The following MAD1L1 variants were observed in gnomAD, a reference collection of about 807,000 sequenced individuals.
MAD1L1 encodes mitotic spindle assembly checkpoint protein MAD1.
Under a neutral mutation model 96.9 loss-of-function variants are expected in MAD1L1, and 95 were observed. The ratio of observed to expected loss-of-function variants is 0.98; its 90% CI spans 0.83 to 1.16. The LOEUF is 1.16. Among genes scored for constraint, MAD1L1 ranks in the 50% most tolerant of loss-of-function variants. The pLI, the probability that MAD1L1 is intolerant of heterozygous loss-of-function variation, is 0.00. For synonymous variants in MAD1L1, 473 were observed against 396.6 expected (o/e 1.19, Z -2.29); for missense variants, 1,007 against 954.4 (o/e 1.06, Z -0.73).
At position 2,103,187 on chromosome 7, in the gene MAD1L1, C is replaced by A. The variant is rs1786905194; in HGVS notation, c.1074-33849G>T. ...CCCTGCACCCTACAAAGGGGCAGCT[C>A]CGACCACGCTTCAGCTCTCAGCCCA... is the stretch of plus-strand genomic sequence containing the variant. On this transcript the variant is annotated intron_variant, in intron 11 of 18. Coordinates refer to ENST00000265854, the MANE Select transcript of MAD1L1 (RefSeq NM_001013836.2). This position sits in a 1 kb window ranked among gnomAD's most constrained non-coding sequence, Gnocchi z 4.3. Among the ~76,000 whole-genome samples, 1 of 152,170 alleles carries A rather than the reference C, an allele frequency of 6.6e-6. No individual in the cohort carries two copies. The highest frequency in any genetic ancestry group is 2.4e-5 in the African/African-American group (1 of 41,442).
intron 1 of MAD1L1, among the ~76,000 whole-genome samples, chr7:2,232,399 C>T (rs1381799476): frequency 2.6e-5 from 4 of 152,256 alleles, no homozygotes; most frequent in African/African-American, 9.6e-5. Flanking sequence ...GGCCCACACG[C>T]CCCCTTCCTG....
At chr7:1,974,016 T>C (rs892561865) in intron 15 of MAD1L1, among the ~76,000 whole-genome samples, 3 of 152,210 alleles carry the variant, frequency 2.0e-5, no homozygotes, top group Admixed American at 2.0e-4. Context: ...CTTCTGCTTC[T>C]GGGAGTGAAG....
intron 11 of MAD1L1, among the ~76,000 whole-genome samples, chr7:2,128,897 C>T (rs527548280): frequency 5.3e-5 from 8 of 152,330 alleles, no homozygotes; most frequent in East Asian, 3.9e-4. Context: ...AGGCTTCCCA[C>T]GCGGCAGTCA....
intron 9 of MAD1L1, among the ~76,000 whole-genome samples, chr7:2,215,332 C>T (rs1045786704): frequency 2.7e-5 from 4 of 146,314 alleles, no homozygotes; most frequent in East Asian, 4.0e-4. Context: ...GAGCCGAGAT[C>T]GCACCATTGC....
chr7:1,851,861 G>A (rs1048798209), intron 18 of MAD1L1, among the ~76,000 whole-genome samples: 2 of 152,186 alleles, frequency 1.3e-5, no homozygotes, highest in African/African-American at 2.4e-5. Flanking sequence ...AGCTAGAGTC[G>A]CCTGCCTGCC....
At chr7:1,886,267 G>A (rs117142562) in intron 18 of MAD1L1, among the ~76,000 whole-genome samples, 203 of 152,342 alleles carry the variant, frequency 1.3e-3, no homozygotes, top group Non-Finnish European at 2.2e-3. Context: ...GTCCTGATCT[G>A]TGCAAGATCA....
intron 18 of MAD1L1, among the ~76,000 whole-genome samples, chr7:1,850,215 G>A (rs554374785): frequency 5.5e-4 from 83 of 152,238 alleles, no homozygotes; most frequent in African/African-American, 1.9e-3. Flanking sequence ...CCCCTTCTGG[G>A]GCAACAGGAC....
At chr7:2,069,643 C>T (rs958048167) in intron 11 of MAD1L1, among the ~76,000 whole-genome samples, 3 of 152,208 alleles carry the variant, frequency 2.0e-5, no homozygotes, top group South Asian at 2.1e-4. Flanking sequence ...TCTGAATGAG[C>T]GAGATTGCAG....
intron 11 of MAD1L1, among the ~76,000 whole-genome samples, chr7:2,145,723 G>A (rs1789264649): frequency 6.6e-6 from 1 of 152,172 alleles, no homozygotes; most frequent in Non-Finnish European, 1.5e-5. Context: ...TCCCTGGGCG[G>A]CCTTCCCTAC....
intron 10 of MAD1L1, among the ~76,000 whole-genome samples, chr7:2,193,936 A>ATTTTTTTTTTTTTTT (rs35067993): frequency 1.2e-5 from 1 of 82,802 alleles, no homozygotes; most frequent in Non-Finnish European, 2.2e-5. Context: ...CTCTGCATGG[A>ATTTTTTTTTTTTTTT]TTTTTTTTTT....
At chr7:2,220,978 G>C (rs771609498) in intron 5 of MAD1L1, 7 of 1,612,528 alleles carry the variant, frequency 4.3e-6, no homozygotes, top group Admixed American at 3.3e-5. Context: ...GCAAGGAAGA[G>C]GCGCATAAGA....
At chr7:1,827,608 G>A (rs1409468468) in intron 18 of MAD1L1, among the ~76,000 whole-genome samples, 7 of 115,428 alleles carry the variant, frequency 6.1e-5, no homozygotes, top group African/African-American at 2.3e-4. Context: ...CCCGGGTGTG[G>A]GGTCCTCCCC....
intron 9 of MAD1L1, 106 bp downstream of exon 9, chr7:2,215,779 C>T (rs949202164): frequency 2.9e-6 from 3 of 1,022,250 alleles, no homozygotes; most frequent in African/African-American, 3.1e-5. Flanking sequence ...ATCACAGCAA[C>T]CTCCATGTTG....
chr7:2,197,891 GC>G (rs1371411326), intron 10 of MAD1L1, among the ~76,000 whole-genome samples: 2 of 151,928 alleles, frequency 1.3e-5, no homozygotes, highest in African/African-American at 2.4e-5. Flanking sequence ...ACTGGTCCTA[GC>G]CCCCGGGTCC....
rs1211363774 is a variant in MAD1L1 at position 2,088,075 on chromosome 7, C to T, written c.1074-18737G>A. ...GTTAGAGAAGAAGAAGACTGGGACT[C>T]GGACCACACTGACTTCTCCCCTTTA... On this transcript the variant is annotated intron_variant, in intron 11 of 18. Coordinates refer to ENST00000265854, the MANE Select transcript of MAD1L1 (RefSeq NM_001013836.2). The surrounding 1 kb of genome is among the most constrained non-coding windows in gnomAD (Gnocchi z 4.4). 6.6e-6 allele frequency among the ~76,000 whole-genome samples: 1 copy of T among 152,204 alleles called. No homozygotes were observed. Among genetic ancestry groups the T allele is most frequent in the Non-Finnish European group, 1.5e-5 (1 of 68,040 alleles).
At chr7:2,066,849 C>T (rs1037520533) in intron 12 of MAD1L1, among the ~76,000 whole-genome samples, 20 of 152,258 alleles carry the variant, frequency 1.3e-4, no homozygotes, top group Non-Finnish European at 2.2e-4. Context: ...CCAGACCCAG[C>T]ACACAAGAAC....
chr7:2,136,047 C>T (rs1389968325), intron 11 of MAD1L1, among the ~76,000 whole-genome samples: 3 of 152,152 alleles, frequency 2.0e-5, no homozygotes, highest in Non-Finnish European at 2.9e-5. Context: ...CCTAGAGCCC[C>T]TATGTCCACT....
At chr7:1,943,645 CT>C (rs1742269652) in intron 16 of MAD1L1, among the ~76,000 whole-genome samples, 1 of 152,138 alleles carries the variant, frequency 6.6e-6, no homozygotes, top group African/African-American at 2.4e-5. Context: ...AACTGGAACC[CT>C]GGTGTGCGGC....
intron 17 of MAD1L1, among the ~76,000 whole-genome samples, chr7:1,920,703 A>T (rs1387371454): frequency 6.6e-6 from 1 of 152,108 alleles, no homozygotes; most frequent in Admixed American, 6.5e-5. Flanking sequence ...AGAAGAGAGG[A>T]CAGGAGGTCT....
Sources: gnomAD v4.1 joint callset for allele counts (sites outside exome capture counted in the v4.1 genomes callset) on GRCh38, gnomAD v4.1.1 for gene constraint, Gnocchi (gnomAD v3.1) non-coding constraint, MANE v1.5 for transcripts, NCBI Gene and HGNC (gene_info 2026-07-23, HGNC 2026-07-21) for gene names.